STPG2: variants seen among roughly 807,000 people sequenced by gnomAD.
STPG2 encodes sperm-tail PG-rich repeat-containing protein 2.
A neutral mutation model predicts 54.2 loss-of-function variants in STPG2; 56 were observed. The observed-to-expected ratio is 1.03, with a 90% confidence interval of 0.83 to 1.29. The LOEUF (loss-of-function observed/expected upper bound fraction) is 1.29, where lower values mean the gene tolerates loss of function less well. Ranked by LOEUF, STPG2 falls within the 50% of genes most tolerant of loss-of-function variation. The probability of loss-of-function intolerance (pLI) is 0.00; values close to 1 mark genes in which losing one functional copy is unlikely to be tolerated. For missense variants in STPG2, 596 were observed against 544.9 expected, an observed-to-expected ratio of 1.09 and a Z score of -0.93; for synonymous variants, 200 against 181.8, an observed-to-expected ratio of 1.10 and a Z score of -0.81.
chr4:97,540,585 A>T (rs924064888), intron 4 of STPG2, among the ~76,000 whole-genome samples: 3 of 152,198 alleles, frequency 2.0e-5, no homozygotes, highest in Non-Finnish European at 2.9e-5. Context: ...AAACTATTCC[A>T]ATCAATAGAA....
At chr4:98,017,313 C>G (rs1397485689) in intron 5 of STPG2, among the ~76,000 whole-genome samples, 1 of 152,218 alleles carries the variant, frequency 6.6e-6, no homozygotes, top group Non-Finnish European at 1.5e-5. Context: ...AGTACTGGAG[C>G]CTGTACCCAC....
intron 8 of STPG2, among the ~76,000 whole-genome samples, chr4:97,852,591 G>A: frequency 6.6e-6 from 1 of 152,112 alleles, no homozygotes; most frequent in Non-Finnish European, 1.5e-5. Context: ...GTAATGGTGG[G>A]CAGGATGATC....
chr4:97,889,171 C>T (rs1378704033), intron 8 of STPG2, among the ~76,000 whole-genome samples: 1 of 152,130 alleles, frequency 6.6e-6, no homozygotes, highest in Non-Finnish European at 1.5e-5. Flanking sequence ...AGGCAAAAGA[C>T]ACTAAGTGTT....
At chr4:97,828,207 T>G (rs2149109730) in intron 9 of STPG2, among the ~76,000 whole-genome samples, 1 of 152,234 alleles carries the variant, frequency 6.6e-6, no homozygotes, top group South Asian at 2.1e-4. Context: ...TCATTGGGAC[T>G]GGGTGGACAG....
At chr4:98,126,489 G>C (rs1481792262) in intron 3 of STPG2, among the ~76,000 whole-genome samples, 2 of 152,180 alleles carry the variant, frequency 1.3e-5, no homozygotes, top group Admixed American at 1.3e-4. Flanking sequence ...CCTTTGGCTA[G>C]GGAAGGGAGC....
intron 5 of STPG2, among the ~76,000 whole-genome samples, chr4:98,031,406 T>C (rs13131174): frequency 0.39 from 59,946 of 151,942 alleles, 12,059 homozygotes; most frequent in Middle Eastern, 0.46. Flanking sequence ...GGGCCAGGCA[T>C]GGTGGCTCAC....
intron 9 of STPG2, among the ~76,000 whole-genome samples, chr4:97,740,179 ACT>A (rs1725174937): frequency 6.6e-6 from 1 of 152,100 alleles, no homozygotes; most frequent in African/African-American, 2.4e-5. Context: ...CATGCTAAAA[ACT>A]CTCAATAAAT....
At chr4:97,590,929 AG>A (rs1645970033) in intron 10 of STPG2, among the ~76,000 whole-genome samples, 1 of 152,160 alleles carries the variant, frequency 6.6e-6, no homozygotes, top group African/African-American at 2.4e-5. Flanking sequence ...TCAGGAAAAT[AG>A]GCCATTGCTA....
At chr4:97,540,937 T>C in intron 4 of STPG2, among the ~76,000 whole-genome samples, 1 of 152,054 alleles carries the variant, frequency 6.6e-6, no homozygotes, top group East Asian at 1.9e-4. Context: ...TGCTAAAAAC[T>C]CTCAATAAAT....
chr4:98,022,051 C>T (rs1203763800), intron 5 of STPG2, among the ~76,000 whole-genome samples: 1 of 151,838 alleles, frequency 6.6e-6, no homozygotes, highest in South Asian at 2.1e-4. Context: ...TGAATTTGAT[C>T]CTGTCATTAT....
Position 97,697,772 on chromosome 4 carries a change from C to A in STPG2, c.1320+14927G>T, listed in dbSNP as rs577932505. Among the ~76,000 whole-genome samples, 10 of 152,264 alleles carry A rather than the reference C, an allele frequency of 6.6e-5. No homozygotes were observed. The South Asian group carries it at 2.1e-3, about 32-fold the overall frequency. Reference sequence around the variant, plus strand: ...GAGGGCAAGTAACACCTGGCCCACCCAAGGTGGAAAACTGCTTAAGGTGTT... The same window carrying A: ...GAGGGCAAGTAACACCTGGCCCACCAAAGGTGGAAAACTGCTTAAGGTGTT... On this transcript the variant is annotated intron_variant, in intron 10 of 10. Coordinates refer to ENST00000295268, the MANE Select transcript of STPG2 (RefSeq NM_174952.3).
chr4:97,797,314 G>C (rs540523412), intron 9 of STPG2, among the ~76,000 whole-genome samples: 79 of 152,270 alleles, frequency 5.2e-4, no homozygotes, highest in African/African-American at 1.8e-3. Flanking sequence ...GTATGATATT[G>C]GCTGTGGGTT....
intron 8 of STPG2, among the ~76,000 whole-genome samples, chr4:97,915,687 A>G (rs931264432): frequency 6.6e-6 from 1 of 152,124 alleles, no homozygotes; most frequent in Non-Finnish European, 1.5e-5. Flanking sequence ...TGACGGAGGC[A>G]GGAAAGTTCA....
At chr4:97,820,483 AC>A (rs1728051462) in intron 9 of STPG2, among the ~76,000 whole-genome samples, 1 of 152,222 alleles carries the variant, frequency 6.6e-6, no homozygotes, top group Admixed American at 6.5e-5. Flanking sequence ...GACCTCTTGC[AC>A]CAAACAGTTA....
intron 8 of STPG2, among the ~76,000 whole-genome samples, chr4:97,911,167 G>C (rs1460849218): frequency 6.6e-6 from 1 of 152,228 alleles, no homozygotes; most frequent in African/African-American, 2.4e-5. Context: ...ATCCCTTCAA[G>C]CCCAGGCCAC....
chr4:97,981,025 A>T (rs1396692157), intron 6 of STPG2, 134 bp downstream of exon 6: 6 of 875,588 alleles, frequency 6.9e-6, no homozygotes, highest in Admixed American at 5.5e-5. Flanking sequence ...TGAATGCTTT[A>T]AAAAATGTTG....
chr4:97,787,279 C>T (rs1271094486), intron 9 of STPG2, among the ~76,000 whole-genome samples: 3 of 152,034 alleles, frequency 2.0e-5, no homozygotes, highest in African/African-American at 7.2e-5. Context: ...TGCCATATTC[C>T]CAATTTATCA....
chr4:97,812,505 T>C (rs111524889), intron 9 of STPG2, among the ~76,000 whole-genome samples: 2,799 of 152,256 alleles, frequency 0.018, 78 homozygotes, highest in African/African-American at 0.064. Context: ...ACTTATTTTG[T>C]ATAATGAATT....
At position 97,831,664 on chromosome 4, in the gene STPG2, G is replaced by A. The variant is rs537367204; in HGVS notation, c.1204+9109C>T. On this transcript the variant is annotated intron_variant, in intron 9 of 10. Coordinates refer to ENST00000295268, the MANE Select transcript of STPG2 (RefSeq NM_174952.3). ...GAAAAGAGAGAAGGATCAAATACAT[G>A]CAATAAAAAATGATAAAGGGGATAT... 5.3e-5 allele frequency among the ~76,000 whole-genome samples: 8 copies of A among 151,958 alleles called. No individual in the cohort carries two copies. The South Asian group carries it at 1.0e-3, about 20-fold the overall frequency.
Sources: gnomAD v4.1 joint callset for allele counts (sites outside exome capture counted in the v4.1 genomes callset) on GRCh38, gnomAD v4.1.1 for gene constraint, MANE v1.5 for transcripts, NCBI Gene and HGNC (gene_info 2026-07-23, HGNC 2026-07-21) for gene names.